The following ENPP4 variants were observed in gnomAD, a reference collection of about 807,000 sequenced individuals.
The protein encoded by ENPP4 is ectonucleotide pyrophosphatase/phosphodiesterase 4, also known as bis(5'-adenosyl)-triphosphatase ENPP4.
Under a neutral mutation model 33.4 loss-of-function variants are expected in ENPP4, and 18 were observed. That is an observed-to-expected ratio of 0.54 (90% CI 0.37 to 0.80). The LOEUF is 0.80. Among genes scored for constraint, ENPP4 ranks in the 30% least tolerant of loss-of-function variants. The probability of loss-of-function intolerance (pLI) is 0.00; values close to 1 mark genes in which losing one functional copy is unlikely to be tolerated. For synonymous variants in ENPP4, 172 were observed against 189.9 expected, an observed-to-expected ratio of 0.91 and a Z score of 0.78; for missense variants, 480 against 541.7, an observed-to-expected ratio of 0.89 and a Z score of 1.13.
chr6:46,133,696 A>C lies in ENPP4; in HGVS notation c.-34+3507A>C, dbSNP rs576929320. Among the ~76,000 whole-genome samples, 8 of 152,168 alleles carry C rather than the reference A, an allele frequency of 5.3e-5. No individual in the cohort carries two copies. In the South Asian group the frequency reaches 1.3e-3, roughly 24 times the overall value. ...ATCTTTTTGGTGTGAAAAATTACAG[A>C]ATTTCTCTCAATGTTTTATACTGTA... On this transcript the variant is annotated intron_variant, in intron 1 of 3. Transcript: ENST00000321037.
intron 1 of ENPP4, among the ~76,000 whole-genome samples, chr6:46,133,716 A>G (rs62400862): frequency 0.041 from 6,240 of 152,136 alleles, 154 homozygotes; most frequent in Middle Eastern, 0.054. Flanking sequence ...AATGTTTTAT[A>G]CTGTAACAGT....
chr6:46,139,555 C>A lies in ENPP4; in HGVS notation c.-29C>A. ...AGTTGTGTTTTTACATTTTAGGAACCCTGATTGCTGTCCTTCAACGTGTTC... is the reference window on the plus strand; with the variant it reads ...AGTTGTGTTTTTACATTTTAGGAACACTGATTGCTGTCCTTCAACGTGTTC... On this transcript the variant is annotated 5_prime_UTR_variant, in exon 2 of 4. Transcript: ENST00000321037. The A allele has an allele frequency of 8.6e-7, 1 of 1,167,756 alleles. No individual in the cohort carries two copies. Among genetic ancestry groups the A allele is most frequent in the Non-Finnish European group, 1.3e-6 (1 of 785,788 alleles). The allele number at this position is 1,167,756 out of a possible 1,614,324, so 72.3% of individuals were successfully genotyped here. A position where few individuals can be genotyped will look rare whatever the true frequency, so the allele number is the denominator to read the frequency against.
intron 1 of ENPP4, among the ~76,000 whole-genome samples, chr6:46,130,720 C>T (rs1763882646): frequency 6.6e-6 from 1 of 152,208 alleles, no homozygotes; most frequent in African/African-American, 2.4e-5. Context: ...ATTAAAAGCA[C>T]GTAAGGACTT....
intron 3 of ENPP4, among the ~76,000 whole-genome samples, chr6:46,143,064 C>A (rs1764090603): frequency 6.7e-6 from 1 of 149,760 alleles, no homozygotes; most frequent in Admixed American, 6.7e-5. Context: ...GAGGGTATGA[C>A]CAGTTGGGAA....
intron 3 of ENPP4, 67 bp from the exon 4 acceptor site, chr6:46,143,209 T>C: frequency 4.8e-6 from 7 of 1,449,762 alleles, no homozygotes; most frequent in Non-Finnish European, 6.5e-6. Context: ...GTTTATATAC[T>C]AGAAGCAAGT....
rs373012220 is a variant in ENPP4 at position 46,141,095 on chromosome 6, T to A, written c.870T>A (p.His290Gln). Residue 290 changes from histidine (H) to glutamine (Q), a missense_variant, in exon 3 of 4, where the codon CAT (histidine) becomes CAA (glutamine). His to Gln is a conservative substitution (Grantham distance 24, BLOSUM62 0). This residue lies in a region of ENPP4 where 249 missense variants were observed against 251.8 expected (regional missense o/e 0.99). Coordinates refer to ENST00000321037, the MANE Select transcript of ENPP4 (RefSeq NM_014936.5). ...VYNKLKNCSPHMNVYLKEDIP... is the reference protein window; with the variant it reads ...VYNKLKNCSPQMNVYLKEDIP... The stretch of plus-strand genomic sequence containing the variant: ...ACAAACTGAAAAACTGTAGCCCTCA[T>A]ATGAATGTTTATCTCAAAGAAGACA... 9.3e-6 allele frequency: 15 copies of A among 1,607,066 alleles called. No homozygotes were observed. The highest frequency in any genetic ancestry group is 1.3e-5 in the Non-Finnish European group (15 of 1,175,014).
intron 1 of ENPP4, among the ~76,000 whole-genome samples, chr6:46,132,030 A>G (rs371826727): frequency 7.3e-5 from 11 of 151,362 alleles, no homozygotes; most frequent in East Asian, 1.9e-4. Flanking sequence ...ATTTGTTTGA[A>G]TTCATTGTAG....
chr6:46,143,251 CTGATGTTG>C lies in ENPP4; in HGVS notation c.998-23_998-16del. ...GTCCTAAAAAGTCTGATCTTATTGA[CTGATGTTG>C]TTTTGTTCTTTTTCAGTAGGTGACC... On this transcript the variant is annotated splice_polypyrimidine_tract_variant and intron_variant, in intron 3 of 3. Coordinates refer to ENST00000321037, the MANE Select transcript of ENPP4 (RefSeq NM_014936.5). 2 of 1,533,208 alleles carry C rather than the reference CTGATGTTG, an allele frequency of 1.3e-6. No homozygotes were observed. Among genetic ancestry groups the C allele is most frequent in the Non-Finnish European group, 1.8e-6 (2 of 1,138,738 alleles). 95.0% of individuals were successfully genotyped at this position (1,533,208 alleles called of 1,614,324 possible). A position where few individuals can be genotyped will look rare whatever the true frequency, so the allele number is the denominator to read the frequency against.
chr6:46,143,463 G>A lies in ENPP4; in HGVS notation c.1185G>A (p.Leu395=). Reference sequence around the variant, plus strand: ...GGACCTTTGGTCATACTAAGTGCTTGTTAGTTGACCAGTGGTGCATTAATC... The same window carrying A: ...GGACCTTTGGTCATACTAAGTGCTTATTAGTTGACCAGTGGTGCATTAATC... ...NNGTFGHTKC[L]LVDQWCINLP... is the part of the protein sequence containing the mutation. Residue 395 remains leucine (L), a synonymous_variant, in exon 4 of 4, where the codon TTG becomes TTA. Transcript: ENST00000321037. The A allele has an allele frequency of 6.2e-7, 1 of 1,612,652 alleles. No individual in the cohort carries two copies. The highest frequency in any genetic ancestry group is 8.5e-7 in the Non-Finnish European group (1 of 1,178,958).
In ENPP4 at chr6:46,146,410, C is replaced by T. The variant is rs1764140599; in HGVS notation, c.*2770C>T. Reference sequence around the variant, plus strand: ...CTTTATGGATTATTGCATTTAATTCCTTTTATTTGGAGGGTTTTACTTCCT... The same window carrying T: ...CTTTATGGATTATTGCATTTAATTCTTTTTATTTGGAGGGTTTTACTTCCT... On this transcript the variant is annotated 3_prime_UTR_variant, in exon 4 of 4. Transcript: ENST00000321037. 4 of 152,112 alleles carry T rather than the reference C, an allele frequency of 2.6e-5. No individual in the cohort carries two copies. The South Asian group carries it at 8.3e-4, about 32-fold the overall frequency. The allele number at this position is 152,112 out of a possible 1,614,324, so 9.4% of individuals were successfully genotyped here. A position where few individuals can be genotyped will look rare whatever the true frequency, so the allele number is the denominator to read the frequency against.
At position 46,139,980 on chromosome 6, in the gene ENPP4, G is replaced by C. The variant is rs1249141666; in HGVS notation, c.397G>C (p.Ala133Pro). ...NQLQENRSSA[A>P]AMWPGTDVPI... ...GCTTCAGGAAAACAGATCAAGTGCT[G>C]CTGCTATGTGGCCTGGTACTGATGT... The change falls in exon 2 of 4, where the codon GCT becomes CCT. Residue 133 changes from alanine (A) to proline (P), a missense_variant. By Grantham distance (27) the Ala-to-Pro change is conservative. This residue lies in a region of ENPP4 where 227 missense variants were observed against 273.7 expected (regional missense o/e 0.83). Transcript: ENST00000321037. 1 of 1,612,822 alleles carries C rather than the reference G, an allele frequency of 6.2e-7. No homozygotes were observed. Among genetic ancestry groups the C allele is most frequent in the Non-Finnish European group, 8.5e-7 (1 of 1,179,124 alleles).
chr6:46,135,335 G>A (rs933859260), intron 1 of ENPP4, among the ~76,000 whole-genome samples: 5 of 152,048 alleles, frequency 3.3e-5, no homozygotes, highest in African/African-American at 1.2e-4. Context: ...ATCAACACTT[G>A]TTGTTATCTA....
chr6:46,141,357 C>T, intron 3 of ENPP4, 135 bp downstream of exon 3: 1 of 587,100 alleles, frequency 1.7e-6, no homozygotes, highest in Non-Finnish European at 2.9e-6. Context: ...CCAGATAATT[C>T]CCAGGTCTTC....
rs1398309636 is a variant in ENPP4, at chr6:46,143,341, G to T, written c.1063G>T (p.Ala355Ser). 1.4e-5 allele frequency: 23 copies of T among 1,610,402 alleles called. No homozygotes were observed. The highest frequency in any genetic ancestry group is 1.9e-5 in the Non-Finnish European group (22 of 1,177,376). The part of the protein sequence containing the change: ...MHPFLAAHGP[A>S]FHKGYKHSTI... ...TCCATTTCTAGCTGCCCACGGACCT[G>T]CATTTCACAAAGGCTACAAGCATAG... is the stretch of plus-strand genomic sequence containing the variant. Residue 355 changes from alanine to serine, a missense_variant, in exon 4 of 4, where the codon GCA becomes TCA. Physicochemically the swap from Ala to Ser is moderately conservative, Grantham distance 99. This residue lies in a region of ENPP4 where 249 missense variants were observed against 251.8 expected (regional missense o/e 0.99). Transcript: ENST00000321037.
At position 46,146,302 on chromosome 6, in the gene ENPP4, A is replaced by G. The variant is rs1000891218; in HGVS notation, c.*2662A>G. ...CACTAGGAATGGCATAAGAATTTAT[A>G]GATAAATTCTTGTAACATTAAAGGA... On this transcript the variant is annotated 3_prime_UTR_variant, in exon 4 of 4. Transcript: ENST00000321037. The G allele has an allele frequency of 6.6e-6, 1 of 152,332 alleles. No homozygotes were observed. Among genetic ancestry groups the G allele is most frequent in the African/African-American group, 2.4e-5 (1 of 41,428 alleles). 9.4% of individuals were successfully genotyped at this position (152,332 alleles called of 1,614,324 possible).
rs1764099972 is a variant in ENPP4 at position 46,143,557 on chromosome 6, A to G, written c.1279A>G (p.Ile427Val). ...AACCATGCTAACATGCCTCATAATA[A>G]TCATGCAGAATAGACTTTCTGTACC... Reference protein sequence around the residue: ...VLTMLTCLIIIMQNRLSVPRP... With the variant: ...VLTMLTCLIIVMQNRLSVPRP... Residue 427 changes from isoleucine to valine, a missense_variant, in exon 4 of 4, where the codon ATC (isoleucine) becomes GTC (valine). Around this residue, in one of 3 missense-constraint regions of ENPP4, gnomAD observed 249 missense variants for 251.8 expected, o/e 0.99. Transcript: ENST00000321037. The G allele has an allele frequency of 6.2e-7, 1 of 1,612,562 alleles. No homozygotes were observed. The highest frequency in any genetic ancestry group is 1.1e-5 in the South Asian group (1 of 91,038).
At chr6:46,137,997 T>C (rs1440968331) in intron 1 of ENPP4, among the ~76,000 whole-genome samples, 1 of 151,824 alleles carries the variant, frequency 6.6e-6, no homozygotes, top group Admixed American at 6.6e-5. Flanking sequence ...ACTCCTGAAC[T>C]TCATAATCAT....
chr6:46,140,101 A>G lies in ENPP4; in HGVS notation c.518A>G (p.Asn173Ser). ...AATAATATTACTATGTGGCTAAACA[A>G]TTCGAACCCACCAGTCACCTTTGCA... ...RLNNITMWLNNSNPPVTFATL... is the reference protein window; with the variant it reads ...RLNNITMWLNSSNPPVTFATL... Residue 173 changes from asparagine to serine, a missense_variant, in exon 2 of 4, where the codon AAT (asparagine) becomes AGT (serine). Physicochemically the swap from Asn to Ser is conservative, Grantham distance 46. This residue lies in a region of ENPP4 where 227 missense variants were observed against 273.7 expected (regional missense o/e 0.83). Coordinates refer to ENST00000321037, the MANE Select transcript of ENPP4 (RefSeq NM_014936.5). 1 of 1,612,658 alleles carries G rather than the reference A, an allele frequency of 6.2e-7. No individual in the cohort carries two copies. Among genetic ancestry groups the G allele is most frequent in the East Asian group, 2.2e-5 (1 of 44,868 alleles).
intron 1 of ENPP4, among the ~76,000 whole-genome samples, chr6:46,138,390 A>G (rs1291862033): frequency 1.3e-5 from 2 of 151,864 alleles, no homozygotes; most frequent in Non-Finnish European, 2.9e-5. Context: ...CTGAGTTGCT[A>G]GAGAAAACCA....
Sources: gnomAD v4.1 joint callset for allele counts (sites outside exome capture counted in the v4.1 genomes callset) on GRCh38, gnomAD v4.1.1 for gene constraint, gnomAD v4.1.1 regional missense constraint, MANE v1.5 for transcripts, NCBI Gene and HGNC (gene_info 2026-07-23, HGNC 2026-07-21) for gene names.